Variants in CDH8 observed in about 807,000 individuals in gnomAD.
CDH8 encodes the protein cadherin-8.
CDH8 carries 17 observed loss-of-function variants against 68.1 expected under a neutral mutation model. That is an observed-to-expected ratio of 0.25 (90% CI 0.17 to 0.37). The LOEUF is 0.37. Ranked by LOEUF, CDH8 falls within the 10% of genes least tolerant of loss-of-function variation. CDH8 has a pLI of 1.00. For synonymous variants in CDH8, 372 were observed against 365.1 expected (o/e 1.02, Z -0.21); for missense variants, 763 against 999.3 (o/e 0.76, Z 3.19).
chr16:61,959,591 T>G (rs528608602), intron 2 of CDH8, among the ~76,000 whole-genome samples: 1 of 151,482 alleles, frequency 6.6e-6, no homozygotes, highest in Non-Finnish European at 1.5e-5. Flanking sequence ...GAGAGATGTG[T>G]GTGTGTGTAT....
At chr16:61,956,874 A>AT (rs1280379704) in intron 2 of CDH8, among the ~76,000 whole-genome samples, 1 of 152,164 alleles carries the variant, frequency 6.6e-6, no homozygotes, top group Non-Finnish European at 1.5e-5. Context: ...GATTACCTGC[A>AT]TTCTCTCCAA....
At chr16:61,752,176 A>G (rs1281137595) in intron 8 of CDH8, among the ~76,000 whole-genome samples, 1 of 152,190 alleles carries the variant, frequency 6.6e-6, no homozygotes, top group Non-Finnish European at 1.5e-5. Flanking sequence ...TGTGGGGATC[A>G]GGGTAGTCTT....
chr16:61,851,270 T>G (rs936115824), intron 4 of CDH8, among the ~76,000 whole-genome samples: 5 of 152,102 alleles, frequency 3.3e-5, no homozygotes, highest in Non-Finnish European at 7.4e-5. Flanking sequence ...AAGGAATATT[T>G]TTTACTTAGC....
At chr16:61,952,905 G>C (rs1156786868) in intron 2 of CDH8, among the ~76,000 whole-genome samples, 1 of 152,156 alleles carries the variant, frequency 6.6e-6, no homozygotes, top group Non-Finnish European at 1.5e-5. Context: ...AACAATTCAA[G>C]GAGGATCTTC....
At chr16:61,790,619 C>T (rs12925150) in intron 7 of CDH8, among the ~76,000 whole-genome samples, 9,408 of 151,954 alleles carry the variant, frequency 0.062, 430 homozygotes, top group Admixed American at 0.098. Flanking sequence ...TAGTACTGAG[C>T]GCATTTCTTA....
At chr16:61,669,605 TCTAA>T (rs1448307204) in intron 10 of CDH8, among the ~76,000 whole-genome samples, 2 of 152,060 alleles carry the variant, frequency 1.3e-5, no homozygotes, top group Non-Finnish European at 2.9e-5. Context: ...GAAAACAGAC[TCTAA>T]CTAGTCAAAA....
chr16:61,824,140 G>A (rs190582405), intron 5 of CDH8, among the ~76,000 whole-genome samples: 210 of 151,854 alleles, frequency 1.4e-3, no homozygotes, highest in Non-Finnish European at 9.1e-4. Context: ...AATGAACCTA[G>A]AGGATATTAT....
At chr16:61,972,618 T>A (rs1965361427) in intron 2 of CDH8, among the ~76,000 whole-genome samples, 1 of 138,862 alleles carries the variant, frequency 7.2e-6, no homozygotes, top group African/African-American at 2.9e-5. Flanking sequence ...GTGTGTTTAA[T>A]TGGGCCTGGT....
At chr16:61,672,201 C>A (rs144015915) in intron 10 of CDH8, among the ~76,000 whole-genome samples, 32 of 152,102 alleles carry the variant, frequency 2.1e-4, no homozygotes, top group Non-Finnish European at 4.0e-4. Flanking sequence ...CCATCAAATT[C>A]TTCACACTTT....
At chr16:61,678,443 G>A (rs1265655686) in intron 10 of CDH8, among the ~76,000 whole-genome samples, 1 of 152,064 alleles carries the variant, frequency 6.6e-6, no homozygotes, top group East Asian at 1.9e-4. Flanking sequence ...ACAGAATAGA[G>A]ACCAGGTTAG....
chr16:61,814,870 C>A (rs1180676459), intron 7 of CDH8, among the ~76,000 whole-genome samples: 4 of 152,128 alleles, frequency 2.6e-5, no homozygotes, highest in African/African-American at 9.7e-5. Context: ...TCTCCATGAT[C>A]CAACTGGGGT....
At chr16:61,708,036 G>A (rs971928845) in intron 10 of CDH8, among the ~76,000 whole-genome samples, 5 of 151,952 alleles carry the variant, frequency 3.3e-5, no homozygotes, top group Non-Finnish European at 4.4e-5. Context: ...ATGATTTGGG[G>A]CAACAGTCTC....
At chr16:61,656,711 A>T (rs756224156) in intron 10 of CDH8, among the ~76,000 whole-genome samples, 7 of 152,194 alleles carry the variant, frequency 4.6e-5, no homozygotes, top group Non-Finnish European at 7.4e-5. Context: ...TTATATGGAG[A>T]TATATACTGG....
At chr16:61,762,074 C>T (rs4372687) in intron 8 of CDH8, among the ~76,000 whole-genome samples, 2,518 of 152,152 alleles carry the variant, frequency 0.017, 76 homozygotes, top group African/African-American at 0.056. Flanking sequence ...GAACTAAAGA[C>T]GGGAGGTGAG....
chr16:61,928,435 G>A (rs1216649607), intron 2 of CDH8, among the ~76,000 whole-genome samples: 1 of 152,160 alleles, frequency 6.6e-6, no homozygotes, highest in Non-Finnish European at 1.5e-5. Flanking sequence ...AAGAAAGCTT[G>A]TGCCATCTAT....
intron 3 of CDH8, among the ~76,000 whole-genome samples, chr16:61,897,745 A>C (rs2143240333): frequency 6.6e-6 from 1 of 152,278 alleles, no homozygotes; most frequent in African/African-American, 2.4e-5. Flanking sequence ...ATCTTACTCT[A>C]ATCTAGATGA....
chr16:61,678,738 G>A (rs995135865), intron 10 of CDH8, among the ~76,000 whole-genome samples: 2 of 151,960 alleles, frequency 1.3e-5, no homozygotes, highest in East Asian at 1.9e-4. Context: ...GCCTTCTAAT[G>A]ACCCTCTTTG....
chr16:61,798,057 C>T (rs2142996164), intron 7 of CDH8, among the ~76,000 whole-genome samples: 1 of 152,232 alleles, frequency 6.6e-6, no homozygotes, highest in East Asian at 1.9e-4. Flanking sequence ...GTAAATCCCA[C>T]ATTCAGTTTG....
chr16:62,009,362 G>A (rs1429464537), intron 2 of CDH8, among the ~76,000 whole-genome samples: 1 of 152,124 alleles, frequency 6.6e-6, no homozygotes, highest in Non-Finnish European at 1.5e-5. Context: ...AAGTTACAAG[G>A]GGCGTCAGGG....
Sources: allele counts gnomAD v4.1 joint callset (sites outside exome capture counted in the v4.1 genomes callset), GRCh38; gene constraint gnomAD v4.1.1; transcripts MANE v1.5; gene names NCBI Gene and HGNC (gene_info 2026-07-23, HGNC 2026-07-21).